The following TRIO variants were observed in gnomAD, a reference collection of about 807,000 sequenced individuals.
TRIO encodes triple functional domain protein.
TRIO carries 58 observed loss-of-function variants against 351.9 expected under a neutral mutation model. That is an observed-to-expected ratio of 0.16 (90% CI 0.13 to 0.21). TRIO has a LOEUF of 0.21. TRIO is among the 10% of genes least tolerant of loss of function. TRIO has a pLI of 1.00. For synonymous variants in TRIO, 1,758 were observed against 1,595.7 expected (o/e 1.10, Z -2.42); for missense variants, 3,201 against 4,027.8 (o/e 0.79, Z 5.56).
intron 55 of TRIO, among the ~76,000 whole-genome samples, chr5:14,505,877 G>A (rs768259640): frequency 6.6e-6 from 1 of 152,330 alleles, no homozygotes; most frequent in African/African-American, 2.4e-5. Context: ...ACGGTGGGGC[G>A]CAGTGAGGCT....
At chr5:14,367,382 T>C (rs1000698602) in intron 16 of TRIO, among the ~76,000 whole-genome samples, 2 of 152,190 alleles carry the variant, frequency 1.3e-5, no homozygotes, top group Non-Finnish European at 2.9e-5. Context: ...ATTTCTGCTA[T>C]GTTACCAACC....
intron 31 of TRIO, among the ~76,000 whole-genome samples, chr5:14,403,154 G>GGGCATA (rs1748260217): frequency 9.0e-6 from 1 of 111,330 alleles, no homozygotes; most frequent in Admixed American, 9.7e-5. Context: ...GTGGTGGTGA[G>GGGCATA]GGTTGTAGGT....
intron 1 of TRIO, among the ~76,000 whole-genome samples, chr5:14,166,810 G>A (rs994982296): frequency 6.6e-6 from 1 of 152,180 alleles, no homozygotes; most frequent in Non-Finnish European, 1.5e-5. Context: ...GGGGAAAAAG[G>A]AGAAAGGGAG....
chr5:14,295,502 G>T, intron 6 of TRIO, among the ~76,000 whole-genome samples: 1 of 152,214 alleles, frequency 6.6e-6, no homozygotes, highest in Admixed American at 6.5e-5. Flanking sequence ...TACAATCTAG[G>T]AATGGGCAGG....
intron 1 of TRIO, among the ~76,000 whole-genome samples, chr5:14,240,253 T>A (rs1044779737): frequency 6.6e-6 from 1 of 152,250 alleles, no homozygotes; most frequent in Non-Finnish European, 1.5e-5. Flanking sequence ...TATTTTAACA[T>A]AAACTATTTC....
chr5:14,226,575 C>A (rs1486256054), intron 1 of TRIO, among the ~76,000 whole-genome samples: 1 of 152,218 alleles, frequency 6.6e-6, no homozygotes, highest in East Asian at 1.9e-4. Context: ...AAGTAGTTTT[C>A]TTTTGCACAA....
intron 38 of TRIO, among the ~76,000 whole-genome samples, chr5:14,471,971 C>T (rs1579755495): frequency 6.6e-6 from 1 of 151,594 alleles, no homozygotes; most frequent in South Asian, 2.1e-4. Context: ...TTTTATTCAG[C>T]ACTGTATCCC....
chr5:14,212,187 A>G (rs747242206), intron 1 of TRIO, among the ~76,000 whole-genome samples: 2 of 152,166 alleles, frequency 1.3e-5, no homozygotes, highest in Non-Finnish European at 2.9e-5. Context: ...AAAATGTGTT[A>G]TTTATAGTTT....
chr5:14,283,262 G>A (rs1561289242), intron 3 of TRIO, among the ~76,000 whole-genome samples: 1 of 152,214 alleles, frequency 6.6e-6, no homozygotes, highest in Non-Finnish European at 1.5e-5. Flanking sequence ...CTTGGGGCCT[G>A]TGAGACCTTT....
At chr5:14,298,446 A>T (rs1191870983) in intron 7 of TRIO, among the ~76,000 whole-genome samples, 2 of 152,206 alleles carry the variant, frequency 1.3e-5, no homozygotes, top group African/African-American at 4.8e-5. Context: ...AAAAGGAAAA[A>T]TATCAGTATA....
At chr5:14,494,247 C>T (rs1756710299) in intron 49 of TRIO, among the ~76,000 whole-genome samples, 1 of 152,128 alleles carries the variant, frequency 6.6e-6, no homozygotes, top group African/African-American at 2.4e-5. Context: ...TATTATTTTA[C>T]TGAATTTGAT....
At chr5:14,409,259 G>A (rs766608898) in intron 33 of TRIO, among the ~76,000 whole-genome samples, 3 of 151,710 alleles carry the variant, frequency 2.0e-5, no homozygotes, top group Non-Finnish European at 4.4e-5. Flanking sequence ...AAATTAGCAC[G>A]ACTTCACATC....
At chr5:14,324,274 T>G (rs769675052) in intron 9 of TRIO, among the ~76,000 whole-genome samples, 1 of 152,254 alleles carries the variant, frequency 6.6e-6, no homozygotes, top group Non-Finnish European at 1.5e-5. Context: ...GCTTTTCATT[T>G]GTTTCATGTA....
At chr5:14,301,976 A>G (rs1737938726) in intron 7 of TRIO, among the ~76,000 whole-genome samples, 1 of 152,188 alleles carries the variant, frequency 6.6e-6, no homozygotes, top group East Asian at 1.9e-4. Context: ...ACCCAGAAAA[A>G]GGGCAGAATC....
chr5:14,462,263 A>C (rs3849083), intron 35 of TRIO, among the ~76,000 whole-genome samples: 6 of 152,180 alleles, frequency 3.9e-5, no homozygotes, highest in Non-Finnish European at 7.3e-5. Flanking sequence ...TCTTAGGAAA[A>C]CTAAAACTGA....
In TRIO at chr5:14,487,451, T is replaced by A. The variant is rs1756012503; in HGVS notation, c.6836-13T>A. 9.1e-7 allele frequency: 1 copy of A among 1,097,892 alleles called. No homozygotes were observed. The highest frequency in any genetic ancestry group is 1.7e-5 in the African/African-American group (1 of 59,824). 68.0% of individuals were successfully genotyped at this position (1,097,892 alleles called of 1,614,324 possible). A position where few individuals can be genotyped will look rare whatever the true frequency, so the allele number is the denominator to read the frequency against. ...CGCCCTGACCCAGTCTCTCCCGCTG[T>A]CTTGTCTTACAGCCTTGACATCGCC... On this transcript the variant is annotated splice_polypyrimidine_tract_variant and intron_variant, in intron 47 of 56. Transcript: ENST00000344204.
intron 35 of TRIO, among the ~76,000 whole-genome samples, chr5:14,462,318 C>T (rs772936874): frequency 1.3e-5 from 2 of 152,210 alleles, no homozygotes; most frequent in African/African-American, 2.4e-5. Context: ...ATACTCAAAT[C>T]CAGTGCTTAA....
intron 1 of TRIO, among the ~76,000 whole-genome samples, chr5:14,180,031 G>A (rs549874354): frequency 7.2e-4 from 108 of 149,624 alleles, no homozygotes; most frequent in Middle Eastern, 3.6e-3. Flanking sequence ...AACCCAGGAG[G>A]CGGAGGTTGC....
intron 40 of TRIO, among the ~76,000 whole-genome samples, chr5:14,475,548 CAGGTCAGAG>C (rs1755009985): frequency 6.6e-6 from 1 of 152,174 alleles, no homozygotes; most frequent in South Asian, 2.1e-4. Context: ...CCTTTGAACC[CAGGTCAGAG>C]AGGTCTTTAT....
Sources: allele counts gnomAD v4.1 joint callset (sites outside exome capture counted in the v4.1 genomes callset), GRCh38; gene constraint gnomAD v4.1.1; transcripts MANE v1.5; gene names NCBI Gene and HGNC (gene_info 2026-07-23, HGNC 2026-07-21).